The following RNF157 variants were observed in gnomAD, a reference collection of about 807,000 sequenced individuals.
RNF157 encodes ring finger protein 157.
In RNF157, 55 loss-of-function variants were observed where a neutral mutation model predicts 88.3. The ratio of observed to expected loss-of-function variants is 0.62; its 90% CI spans 0.50 to 0.78. The LOEUF (loss-of-function observed/expected upper bound fraction) is 0.78, where lower values mean the gene tolerates loss of function less well. RNF157 is among the 30% of genes least tolerant of loss of function. The pLI is 0.00. For missense variants in RNF157, 788 were observed against 860.8 expected (o/e 0.92, Z 1.06); for synonymous variants, 334 against 341.2 (o/e 0.98, Z 0.23).
At chr17:76,226,951 G>T (rs996892853) in intron 1 of RNF157, 1 of 648,530 alleles carries the variant, frequency 1.5e-6, no homozygotes, top group Non-Finnish European at 2.6e-6. Context: ...TGCTGCTGCC[G>T]CCGCTGCAAA....
intron 2 of RNF157, among the ~76,000 whole-genome samples, chr17:76,185,759 G>A (rs928997144): frequency 6.6e-6 from 1 of 152,054 alleles, no homozygotes; most frequent in South Asian, 2.1e-4. Flanking sequence ...GTGAGCCACC[G>A]CGCCCGGCCG....
chr17:76,212,769 G>A (rs2069824574), intron 1 of RNF157, among the ~76,000 whole-genome samples: 2 of 152,162 alleles, frequency 1.3e-5, no homozygotes, highest in African/African-American at 2.4e-5. Flanking sequence ...AGCTGAGGCA[G>A]GAGGATGGCT....
At chr17:76,198,851 T>A (rs2069522395) in intron 2 of RNF157, among the ~76,000 whole-genome samples, 1 of 152,228 alleles carries the variant, frequency 6.6e-6, no homozygotes, top group Admixed American at 6.5e-5. Context: ...GTCTTATCTC[T>A]TGCAAAGTCT....
intron 2 of RNF157, among the ~76,000 whole-genome samples, chr17:76,191,909 G>T (rs1368892478): frequency 6.6e-6 from 1 of 152,186 alleles, no homozygotes; most frequent in Non-Finnish European, 1.5e-5. Context: ...AAATTTACGT[G>T]TAATCAACTG....
intron 2 of RNF157, among the ~76,000 whole-genome samples, chr17:76,186,325 G>A (rs2069286432): frequency 6.6e-6 from 1 of 151,832 alleles, no homozygotes; most frequent in African/African-American, 2.4e-5. Context: ...GGCCAACATG[G>A]TGAAACCCCG....
At chr17:76,239,626 T>C (rs1322541301) in intron 1 of RNF157, among the ~76,000 whole-genome samples, 3 of 140,786 alleles carry the variant, frequency 2.1e-5, no homozygotes, top group African/African-American at 7.8e-5. Flanking sequence ...CAGCAGGCAA[T>C]GGAAGCTTTT....
At chr17:76,156,153 ACACTGTG>A in intron 14 of RNF157, 50 bp downstream of exon 14, 1 of 1,337,654 alleles carries the variant, frequency 7.5e-7, no homozygotes, top group Non-Finnish European at 1.1e-6. Context: ...AAGCACCAGG[ACACTGTG>A]GGCTGGGTAA....
chr17:76,184,343 A>G (rs2069246945), intron 2 of RNF157, among the ~76,000 whole-genome samples: 1 of 152,132 alleles, frequency 6.6e-6, no homozygotes, highest in South Asian at 2.1e-4. Context: ...CTTTTTTTAT[A>G]GGGTTTTGTG....
chr17:76,207,548 A>G (rs2069702127), intron 2 of RNF157, among the ~76,000 whole-genome samples: 1 of 152,282 alleles, frequency 6.6e-6, no homozygotes, highest in South Asian at 2.1e-4. Flanking sequence ...GAATTGCACA[A>G]GCCAGGAAGT....
intron 1 of RNF157, among the ~76,000 whole-genome samples, chr17:76,223,682 A>C (rs1382109707): frequency 6.6e-6 from 1 of 152,260 alleles, no homozygotes; most frequent in Non-Finnish European, 1.5e-5. Context: ...TAAACGTTAA[A>C]TATTGTGTTT....
rs1220715476 is a variant in RNF157 at position 76,161,000 on chromosome 17, A to C, written c.1065+535T>G. 6.6e-6 allele frequency among the ~76,000 whole-genome samples: 1 copy of C among 152,148 alleles called. No individual in the cohort carries two copies. ...CTAATTATCCCAATACCATTCACTA[A>C]ATAATAATCTCTCCCAGCAGTGCGT... On this transcript the variant is annotated intron_variant, in intron 11 of 18. Transcript: ENST00000269391. This position sits in a 1 kb window ranked among gnomAD's most constrained non-coding sequence, Gnocchi z 4.3.
intron 2 of RNF157, among the ~76,000 whole-genome samples, chr17:76,185,394 C>T (rs545631309): frequency 7.2e-5 from 11 of 152,140 alleles, no homozygotes; most frequent in Non-Finnish European, 1.3e-4. Context: ...GAAAAGCGTG[C>T]TCTTAATAAA....
chr17:76,144,015 T>C lies in RNF157; in HGVS notation c.*1220A>G, dbSNP rs1334581749. On this transcript the variant is annotated 3_prime_UTR_variant, in exon 19 of 19. Transcript: ENST00000269391. ...AACTTAGCTCAAGGCTCTCCATCAC[T>C]TCCTTTGGGGACCTGGGCACCAAAC... The C allele has an allele frequency of 6.6e-6, 1 of 152,220 alleles. No individual in the cohort carries two copies. Among genetic ancestry groups the C allele is most frequent in the Non-Finnish European group, 1.5e-5 (1 of 68,098 alleles). The allele number at this position is 152,220 out of a possible 1,614,324, so 9.4% of individuals were successfully genotyped here.
intron 2 of RNF157, among the ~76,000 whole-genome samples, chr17:76,207,137 C>T (rs60633196): frequency 0.03 from 4,543 of 152,120 alleles, 248 homozygotes; most frequent in African/African-American, 0.1. Context: ...GGCTTTGGGC[C>T]GGGCTTGGTG....
At chr17:76,182,102 G>C (rs2069198592) in intron 2 of RNF157, among the ~76,000 whole-genome samples, 1 of 152,048 alleles carries the variant, frequency 6.6e-6, no homozygotes, top group Non-Finnish European at 1.5e-5. Flanking sequence ...TGCATGCTTG[G>C]ATACAACATC....
intron 3 of RNF157, 43 bp from the exon 4 acceptor site, chr17:76,167,840 T>C: frequency 6.3e-7 from 1 of 1,574,946 alleles, no homozygotes; most frequent in East Asian, 2.2e-5. Flanking sequence ...AGCATATCAA[T>C]ATTTTAAAAT....
chr17:76,162,671 G>C, intron 8 of RNF157, 48 bp from the exon 9 acceptor site: 1 of 1,379,572 alleles, frequency 7.2e-7, no homozygotes, highest in Non-Finnish European at 1.0e-6. Context: ...TCTACTGAGA[G>C]ACAAGAGTGG....
chr17:76,196,257 A>G (rs549058639), intron 2 of RNF157, among the ~76,000 whole-genome samples: 1 of 152,358 alleles, frequency 6.6e-6, no homozygotes, highest in South Asian at 2.1e-4. Flanking sequence ...AAAGATGCTG[A>G]GTGAAAGGAG....
rs760674527 is a variant in RNF157 at position 76,240,193 on chromosome 17, G to A, written c.48C>T (p.Asp16=). Residue 16 remains aspartate (D), a synonymous_variant, in exon 1 of 19, where the codon GAC becomes GAT. Coordinates refer to ENST00000269391, the MANE Select transcript of RNF157 (RefSeq NM_052916.3). The surrounding 1 kb of genome is among the most constrained non-coding windows in gnomAD (Gnocchi z 4.4). Reference sequence around the variant, plus strand: ...AGCGGTACACGGAATTAGACGGGATGTCCACCTCCTCCACGCCCGCGTGCT... The same window carrying A: ...AGCGGTACACGGAATTAGACGGGATATCCACCTCCTCCACGCCCGCGTGCT... ...SRQHAGVEEV[D]IPSNSVYRYP... The A allele has an allele frequency of 2.8e-6, 4 of 1,413,342 alleles. No homozygotes were observed. The highest frequency in any genetic ancestry group is 3.7e-6 in the Non-Finnish European group (4 of 1,069,450). The allele number at this position is 1,413,342 out of a possible 1,614,324, so 87.6% of individuals were successfully genotyped here.
Sources: allele counts gnomAD v4.1 joint callset (sites outside exome capture counted in the v4.1 genomes callset), GRCh38; gene constraint gnomAD v4.1.1; non-coding constraint Gnocchi (gnomAD v3.1); transcripts MANE v1.5; gene names NCBI Gene and HGNC (gene_info 2026-07-23, HGNC 2026-07-21).